Variants in CNTLN observed in about 807,000 individuals in gnomAD.
CNTLN encodes centlein.
A neutral mutation model predicts 180.0 loss-of-function variants in CNTLN; 212 were observed. The ratio of observed to expected loss-of-function variants is 1.18; its 90% CI spans 1.05 to 1.32. The LOEUF (loss-of-function observed/expected upper bound fraction) is 1.32, where lower values mean the gene tolerates loss of function less well. Among genes scored for constraint, CNTLN ranks in the 40% most tolerant of loss-of-function variants. The probability of loss-of-function intolerance (pLI) is 0.00; values close to 1 mark genes in which losing one functional copy is unlikely to be tolerated. For missense variants in CNTLN, 2,095 were observed against 1,610.9 expected, an observed-to-expected ratio of 1.30 and a Z score of -5.14; for synonymous variants, 722 against 563.1, an observed-to-expected ratio of 1.28 and a Z score of -3.99.
At chr9:17,522,587 C>T in the CNTLN span, among the ~76,000 whole-genome samples, 1 of 152,074 alleles carries the variant, frequency 6.6e-6, no homozygotes, top group Non-Finnish European at 1.5e-5. Context: ...AACTACAGTA[C>T]AGCCTTGCCA....
intron 12 of CNTLN, among the ~76,000 whole-genome samples, chr9:17,350,304 A>G (rs1377298301): frequency 6.6e-6 from 1 of 152,214 alleles, no homozygotes; most frequent in East Asian, 1.9e-4. Context: ...GACCTTGGCT[A>G]AGTAAATCAG....
At chr9:17,478,257 G>C (rs1832459244) in intron 23 of CNTLN, among the ~76,000 whole-genome samples, 1 of 152,128 alleles carries the variant, frequency 6.6e-6, no homozygotes, top group African/African-American at 2.4e-5. Context: ...CTTTATTGTG[G>C]TGGTCTGAAA....
intron 2 of CNTLN, among the ~76,000 whole-genome samples, chr9:17,176,767 T>C (rs1047067229): frequency 1.3e-5 from 2 of 152,224 alleles, no homozygotes; most frequent in African/African-American, 2.4e-5. Flanking sequence ...TTAATAGTTA[T>C]AGGATTGTTC....
chr9:17,309,129 T>G lies in CNTLN; in HGVS notation c.1218T>G (p.Thr406=). 6.2e-7 allele frequency: 1 copy of G among 1,610,390 alleles called. No individual in the cohort carries two copies. Among genetic ancestry groups the G allele is most frequent in the South Asian group, 1.1e-5 (1 of 90,374 alleles). The change falls in exon 8 of 26, where the codon ACT becomes ACG. Residue 406 remains threonine (T), a synonymous_variant. Transcript: ENST00000380647. Reference sequence around the variant, plus strand: ...AAGCTATGCTCCGGCAAAGTGTTACTAATCTTCAGGATCAGCTATTACAAA... The same window carrying G: ...AAGCTATGCTCCGGCAAAGTGTTACGAATCTTCAGGATCAGCTATTACAAA... ...SNEAMLRQSV[T]NLQDQLLQKE... is the part of the protein sequence containing the mutation.
intron 23 of CNTLN, among the ~76,000 whole-genome samples, chr9:17,473,592 C>CAAAAAA: frequency 7.5e-6 from 1 of 132,762 alleles, no homozygotes; most frequent in Non-Finnish European, 1.6e-5. Flanking sequence ...CACCATTTAC[C>CAAAAAA]AAAAAAAAAA....
intron 7 of CNTLN, chr9:17,299,646 A>G: frequency 4.1e-6 from 4 of 985,344 alleles, no homozygotes; most frequent in Non-Finnish European, 4.8e-6. Flanking sequence ...CAGCTAGAGC[A>G]GTGCTGCCTT....
intron 6 of CNTLN, among the ~76,000 whole-genome samples, chr9:17,282,234 T>C (rs1828711172): frequency 6.6e-6 from 1 of 152,162 alleles, no homozygotes; most frequent in African/African-American, 2.4e-5. Context: ...GTGCTGGGAT[T>C]ACAGAGTGAG....
chr9:17,445,743 A>G (rs1830373296), intron 18 of CNTLN, among the ~76,000 whole-genome samples: 1 of 152,084 alleles, frequency 6.6e-6, no homozygotes, highest in Admixed American at 6.5e-5. Context: ...CCTCGTGGGA[A>G]GGGAAAGACC....
chr9:17,165,845 AGAAAC>A (rs1820034483), intron 2 of CNTLN, among the ~76,000 whole-genome samples: 1 of 152,220 alleles, frequency 6.6e-6, no homozygotes, highest in African/African-American at 2.4e-5. Context: ...TCTTCTCTGG[AGAAAC>A]TAAGCATCCC....
At chr9:17,397,834 T>G (rs1826656415) in intron 15 of CNTLN, among the ~76,000 whole-genome samples, 1 of 152,130 alleles carries the variant, frequency 6.6e-6, no homozygotes, top group Non-Finnish European at 1.5e-5. Flanking sequence ...GCAGTAAAAC[T>G]CAATTTTACA....
At chr9:17,361,366 G>A (rs182303222) in intron 12 of CNTLN, among the ~76,000 whole-genome samples, 3 of 152,184 alleles carry the variant, frequency 2.0e-5, no homozygotes, top group South Asian at 2.1e-4. Flanking sequence ...ACCCATCTGT[G>A]TTCTCTATTG....
At chr9:17,397,237 G>T (rs781780338) in intron 15 of CNTLN, among the ~76,000 whole-genome samples, 25 of 152,148 alleles carry the variant, frequency 1.6e-4, no homozygotes, top group South Asian at 4.2e-4. Context: ...TGGATCTCAC[G>T]CAAGAAAGAA....
intron 10 of CNTLN, 75 bp downstream of exon 10, chr9:17,332,805 G>C: frequency 5.0e-6 from 6 of 1,202,188 alleles, no homozygotes; most frequent in Non-Finnish European, 5.6e-6. Context: ...ACAGTTCATA[G>C]ATTACTAGTT....
chr9:17,246,322 C>G (rs1825793908), intron 5 of CNTLN, among the ~76,000 whole-genome samples: 1 of 152,136 alleles, frequency 6.6e-6, no homozygotes, highest in South Asian at 2.1e-4. Flanking sequence ...CCTTGGTGGT[C>G]TTGTGTGATA....
chr9:17,431,101 A>G (rs939418484), intron 18 of CNTLN, among the ~76,000 whole-genome samples: 6 of 151,818 alleles, frequency 4.0e-5, no homozygotes, highest in African/African-American at 1.2e-4. Context: ...TGGTAGTTCT[A>G]TTTCTGGTTT....
At chr9:17,187,606 T>A (rs1053715575) in intron 2 of CNTLN, among the ~76,000 whole-genome samples, 9 of 152,014 alleles carry the variant, frequency 5.9e-5, no homozygotes, top group African/African-American at 2.2e-4. Flanking sequence ...GTTTTTGTAG[T>A]GTGCTAATAT....
intron 5 of CNTLN, among the ~76,000 whole-genome samples, chr9:17,248,537 T>C (rs923209477): frequency 2.2e-5 from 3 of 134,042 alleles, no homozygotes; most frequent in Admixed American, 7.4e-5. Context: ...TTTATAATTA[T>C]AAATATATTT....
At chr9:17,510,226 G>T in the CNTLN span, among the ~76,000 whole-genome samples, 14 of 152,072 alleles carry the variant, frequency 9.2e-5, no homozygotes, top group Non-Finnish European at 2.1e-4. Flanking sequence ...AGGGGAAAGG[G>T]AATAGGGAAT....
At chr9:17,229,404 G>A (rs577624260) in intron 3 of CNTLN, among the ~76,000 whole-genome samples, 8 of 152,178 alleles carry the variant, frequency 5.3e-5, no homozygotes, top group African/African-American at 1.9e-4. Context: ...ATTATGGGGT[G>A]GGGAGATAGT....
Sources: gnomAD v4.1 joint callset for allele counts (sites outside exome capture counted in the v4.1 genomes callset) on GRCh38, gnomAD v4.1.1 for gene constraint, MANE v1.5 for transcripts, NCBI Gene and HGNC (gene_info 2026-07-23, HGNC 2026-07-21) for gene names.